Variants in KLRG1 observed in about 807,000 individuals in gnomAD.
KLRG1 encodes killer cell lectin-like receptor subfamily G member 1.
In KLRG1, 16 loss-of-function variants were observed where a neutral mutation model predicts 21.8. The ratio of observed to expected loss-of-function variants is 0.73; its 90% confidence interval spans 0.50 to 1.11. The LOEUF is 1.11. Among genes scored for constraint, KLRG1 ranks in the 50% most tolerant of loss-of-function variants. KLRG1 has a pLI of 0.00. For synonymous variants in KLRG1, 69 were observed against 75.9 expected (o/e 0.91, Z 0.47); for missense variants, 173 against 218.3 (o/e 0.79, Z 1.31).
At chr12:9,100,999 A>G in the KLRG1 span, 3 of 727,502 alleles carry the variant, frequency 4.1e-6, no homozygotes, top group African/African-American at 1.8e-5. Flanking sequence ...ATCACTACCA[A>G]AGAATTTATT....
At chr12:9,056,138 T>G in the KLRG1 span, among the ~76,000 whole-genome samples, 2 of 152,150 alleles carry the variant, frequency 1.3e-5, no homozygotes, top group East Asian at 3.8e-4. Flanking sequence ...CAAATTTGCT[T>G]CATCTGAAAC....
the KLRG1 span, among the ~76,000 whole-genome samples, chr12:9,148,095 A>C: frequency 6.6e-6 from 1 of 152,186 alleles, no homozygotes; most frequent in South Asian, 2.1e-4. Flanking sequence ...GATGTTTAAA[A>C]ATTACTTTAG....
chr12:9,164,180 C>T, the KLRG1 span: 1 of 1,610,244 alleles, frequency 6.2e-7, no homozygotes, highest in Non-Finnish European at 8.5e-7. Flanking sequence ...TCTCTCATTT[C>T]CACAGATACA....
intron 2 of KLRG1, among the ~76,000 whole-genome samples, chr12:8,994,732 A>C (rs1435569091): frequency 6.6e-6 from 1 of 152,240 alleles, no homozygotes; most frequent in East Asian, 1.9e-4. Flanking sequence ...ACACAGAGCA[A>C]AGACAGTACA....
At chr12:9,031,095 A>C in the KLRG1 span, among the ~76,000 whole-genome samples, 1 of 152,156 alleles carries the variant, frequency 6.6e-6, no homozygotes, top group African/African-American at 2.4e-5. Flanking sequence ...ATTTCCCTGC[A>C]GGGCTGCTGC....
chr12:9,091,389 T>C, the KLRG1 span: 1 of 1,614,168 alleles, frequency 6.2e-7, no homozygotes, highest in Non-Finnish European at 8.5e-7. Flanking sequence ...TCGGTGATGG[T>C]GTCAGGGACT....
chr12:9,076,767 GCT>G, the KLRG1 span: 4 of 1,613,806 alleles, frequency 2.5e-6, no homozygotes, highest in Non-Finnish European at 3.4e-6. Flanking sequence ...TTTCTTCACA[GCT>G]TCCTCATTAA....
At chr12:8,972,548 C>T (rs1395593902) in intron 1 of KLRG1, among the ~76,000 whole-genome samples, 1 of 152,230 alleles carries the variant, frequency 6.6e-6, no homozygotes, top group African/African-American at 2.4e-5. Context: ...GTTTTCCCAA[C>T]ACCATTTATT....
intron 1 of KLRG1, among the ~76,000 whole-genome samples, chr12:8,990,593 C>A (rs968194612): frequency 1.2e-4 from 18 of 152,038 alleles, no homozygotes; most frequent in Non-Finnish European, 2.2e-4. Flanking sequence ...ATTTGTGTAA[C>A]CTTTTCCTAT....
chr12:9,157,968 T>C, the KLRG1 span: 1 of 827,232 alleles, frequency 1.2e-6, no homozygotes, highest in Non-Finnish European at 2.0e-6. Flanking sequence ...TCTCTCTCTC[T>C]CTCTCGACAG....
the KLRG1 span, chr12:9,127,964 C>T: frequency 3.1e-6 from 1 of 317,710 alleles, no homozygotes. Flanking sequence ...TGCAGATTGA[C>T]ACCCGCCGCC....
the KLRG1 span, chr12:9,112,197 C>T: frequency 1.9e-6 from 3 of 1,613,676 alleles, no homozygotes; most frequent in Admixed American, 3.3e-5. Flanking sequence ...TCCATGGAGA[C>T]AACACGAAAT....
chr12:9,015,631 G>C (rs1214760890), downstream of KLRG1, among the ~76,000 whole-genome samples: 2 of 151,886 alleles, frequency 1.3e-5, no homozygotes, highest in Non-Finnish European at 2.9e-5. Context: ...AGAAACATCA[G>C]ACTTAATCTG....
At chr12:9,093,622 TA>T in the KLRG1 span, 1 of 1,099,042 alleles carries the variant, frequency 9.1e-7, no homozygotes, top group South Asian at 2.1e-5. Flanking sequence ...AACATACAGA[TA>T]AAGCTTATGA....
intron 1 of KLRG1, among the ~76,000 whole-genome samples, chr12:8,984,394 G>A (rs1946808635): frequency 6.6e-6 from 1 of 151,980 alleles, no homozygotes; most frequent in Admixed American, 6.6e-5. Flanking sequence ...AGTAGAGACA[G>A]GGTTTCACCA....
chr12:9,020,064 C>T, the KLRG1 span, among the ~76,000 whole-genome samples: 1,384 of 65,490 alleles, frequency 0.021, 19 homozygotes, highest in African/African-American at 0.069. Context: ...TATATATATA[C>T]ACACACACAC....
At chr12:8,965,072 C>T (rs932441321) in intron 1 of KLRG1, among the ~76,000 whole-genome samples, 23 of 152,198 alleles carry the variant, frequency 1.5e-4, no homozygotes, top group African/African-American at 5.3e-4. Context: ...ATAAACAGAA[C>T]CAAAGACAAA....
chr12:9,071,158 C>T, the KLRG1 span, among the ~76,000 whole-genome samples: 1 of 152,172 alleles, frequency 6.6e-6, no homozygotes, highest in Non-Finnish European at 1.5e-5. Flanking sequence ...AAGTGATGCA[C>T]AGGCTGTTTG....
the KLRG1 span, among the ~76,000 whole-genome samples, chr12:9,030,582 A>C: frequency 6.6e-6 from 1 of 151,954 alleles, no homozygotes; most frequent in African/African-American, 2.4e-5. Flanking sequence ...AATTTTTTGT[A>C]TTTTTAGTAG....
Sources: allele counts gnomAD v4.1 joint callset (sites outside exome capture counted in the v4.1 genomes callset), GRCh38; gene constraint gnomAD v4.1.1; transcripts MANE v1.5; gene names NCBI Gene and HGNC (gene_info 2026-07-23, HGNC 2026-07-21).